TMBIM6: variants seen among roughly 807,000 people sequenced by gnomAD.
The protein encoded by TMBIM6 is bax inhibitor 1.
TMBIM6 carries 13 observed loss-of-function variants against 31.4 expected under a neutral mutation model. The ratio of observed to expected loss-of-function variants is 0.41; its 90% CI spans 0.27 to 0.66. The LOEUF is 0.66. Among genes scored for constraint, TMBIM6 ranks in the 30% least tolerant of loss-of-function variants. TMBIM6 has a pLI of 0.28. For synonymous variants in TMBIM6, 85 were observed against 101.7 expected, an observed-to-expected ratio of 0.84 and a Z score of 0.99; for missense variants, 275 against 289.5, an observed-to-expected ratio of 0.95 and a Z score of 0.36.
intron 1 of TMBIM6, 147 bp from the exon 2 acceptor site, chr12:49,752,317 A>G (rs1305743373): frequency 1.9e-6 from 1 of 514,968 alleles, no homozygotes; most frequent in Non-Finnish European, 3.4e-6. Flanking sequence ...TGTAGGACAC[A>G]TAAAAATAAA....
chr12:49,760,192 G>A (rs1209157417), intron 8 of TMBIM6, among the ~76,000 whole-genome samples: 1 of 151,372 alleles, frequency 6.6e-6, no homozygotes, highest in South Asian at 2.1e-4. Flanking sequence ...AGAAGTGAGG[G>A]AAAGAGATCT....
Position 49,763,026 on chromosome 12 carries a change from C to T in TMBIM6, c.*130C>T. Reference sequence around the variant, plus strand: ...GAAAAGCTTTTGTACTTTGTGGTTTCCTCTATTTTGAATTTTTTGATCAAA... The same window carrying T: ...GAAAAGCTTTTGTACTTTGTGGTTTTCTCTATTTTGAATTTTTTGATCAAA... On this transcript the variant is annotated 3_prime_UTR_variant, in exon 10 of 10. Transcript: ENST00000267115. 2.8e-6 allele frequency: 3 copies of T among 1,085,430 alleles called. No individual in the cohort carries two copies. Among genetic ancestry groups the T allele is most frequent in the Non-Finnish European group, 2.6e-6 (2 of 759,364 alleles). The allele number at this position is 1,085,430 out of a possible 1,614,324, so 67.2% of individuals were successfully genotyped here.
At chr12:49,760,471 G>C (rs1017794711) in intron 8 of TMBIM6, among the ~76,000 whole-genome samples, 1 of 150,560 alleles carries the variant, frequency 6.6e-6, no homozygotes, top group African/African-American at 2.4e-5. Context: ...GTCTCAAGCA[G>C]TCCTCTTGCC....
chr12:49,762,481 G>T (rs946329748), intron 9 of TMBIM6, among the ~76,000 whole-genome samples: 7 of 152,218 alleles, frequency 4.6e-5, no homozygotes, highest in African/African-American at 1.7e-4. Flanking sequence ...ACTTTGCAGG[G>T]TGGAGCACTT....
At chr12:49,749,573 C>G (rs1252715350) in intron 1 of TMBIM6, 2 of 152,116 alleles carry the variant, frequency 1.3e-5, no homozygotes, top group Admixed American at 6.6e-5. Context: ...GCTGGGACTA[C>G]AGGGGCGTGC....
chr12:49,753,830 T>C (rs938643487), intron 3 of TMBIM6, among the ~76,000 whole-genome samples: 4 of 152,142 alleles, frequency 2.6e-5, no homozygotes, highest in Admixed American at 2.6e-4. Context: ...AATAATTTAG[T>C]AAAATACAGT....
intron 3 of TMBIM6, 32 bp downstream of exon 3, chr12:49,753,113 G>A (rs1565919998): frequency 5.7e-6 from 9 of 1,588,826 alleles, no homozygotes; most frequent in East Asian, 4.5e-5. Context: ...GGTTGCTGTG[G>A]TACAAATTAC....
At chr12:49,742,977 C>T (rs1945324616) in intron 1 of TMBIM6, among the ~76,000 whole-genome samples, 1 of 133,604 alleles carries the variant, frequency 7.5e-6, no homozygotes, top group Non-Finnish European at 1.5e-5. Flanking sequence ...TTAGTACCTT[C>T]CTCCTCTTTT....
intron 1 of TMBIM6, among the ~76,000 whole-genome samples, 164 bp from the exon 2 acceptor site, chr12:49,752,300 A>G (rs191588584): frequency 6.6e-6 from 1 of 152,270 alleles, no homozygotes; most frequent in Admixed American, 6.5e-5. Context: ...TATGATTGCA[A>G]ATATATTGTA....
In TMBIM6 at chr12:49,764,273, C is replaced by T. The variant is rs972403947; in HGVS notation, c.*1377C>T. The T allele has an allele frequency of 2.0e-5, 3 of 152,144 alleles. No homozygotes were observed. Among genetic ancestry groups the T allele is most frequent in the African/African-American group, 7.2e-5 (3 of 41,424 alleles). The allele number at this position is 152,144 out of a possible 1,614,324, so 9.4% of individuals were successfully genotyped here. A position where few individuals can be genotyped will look rare whatever the true frequency, so the allele number is the denominator to read the frequency against. Reference sequence around the variant, plus strand: ...TGTGGCTCTGAGCTGCTCTACAGAGCTTCAGTGTGAGAGGATCGAGCCATT... The same window carrying T: ...TGTGGCTCTGAGCTGCTCTACAGAGTTTCAGTGTGAGAGGATCGAGCCATT... On this transcript the variant is annotated 3_prime_UTR_variant, in exon 10 of 10. Coordinates refer to ENST00000267115, the MANE Select transcript of TMBIM6 (RefSeq NM_003217.3).
At chr12:49,746,881 G>A (rs1945405378) in intron 1 of TMBIM6, among the ~76,000 whole-genome samples, 1 of 145,598 alleles carries the variant, frequency 6.9e-6, no homozygotes, top group Admixed American at 6.6e-5. Context: ...TGTCACCCAG[G>A]CTGGAGTGCA....
chr12:49,742,329 C>G, intron 1 of TMBIM6: 3 of 1,521,780 alleles, frequency 2.0e-6, no homozygotes, highest in Non-Finnish European at 2.6e-6. Context: ...GGGCGTCTTT[C>G]TAAGTCTGCT....
chr12:49,744,583 G>C (rs2136925781), intron 1 of TMBIM6: 1 of 152,296 alleles, frequency 6.6e-6, no homozygotes, highest in South Asian at 2.1e-4. Context: ...GTTGATTTGA[G>C]GTTACAGCAC....
intron 1 of TMBIM6, among the ~76,000 whole-genome samples, chr12:49,751,638 T>A (rs1430422679): frequency 6.6e-6 from 1 of 152,170 alleles, no homozygotes; most frequent in Non-Finnish European, 1.5e-5. Context: ...TAAGAAAATT[T>A]GATACGCATA....
At chr12:49,756,114 T>C (rs1945587385) in intron 4 of TMBIM6, among the ~76,000 whole-genome samples, 1 of 151,882 alleles carries the variant, frequency 6.6e-6, no homozygotes, top group Non-Finnish European at 1.5e-5. Flanking sequence ...ATTACAGGCA[T>C]GAGCCACCGT....
chr12:49,757,406 CTTCTG>C (rs1945624700), intron 4 of TMBIM6, among the ~76,000 whole-genome samples: 2 of 152,292 alleles, frequency 1.3e-5, no homozygotes, highest in South Asian at 4.1e-4. Flanking sequence ...ATCATAGGAG[CTTCTG>C]TTCTGAGTCT....
chr12:49,758,049 A>G (rs1208850627), intron 4 of TMBIM6, among the ~76,000 whole-genome samples, 178 bp from the exon 5 acceptor site: 1 of 152,046 alleles, frequency 6.6e-6, no homozygotes, highest in Non-Finnish European at 1.5e-5. Flanking sequence ...AAAAAAAAAC[A>G]ACGCAGTCAG....
chr12:49,759,677 C>T (rs1945674984), intron 8 of TMBIM6, among the ~76,000 whole-genome samples: 1 of 151,686 alleles, frequency 6.6e-6, no homozygotes, highest in African/African-American at 2.4e-5. Flanking sequence ...CATGGTGGCA[C>T]ATGTATATAA....
At chr12:49,752,385 T>G in intron 1 of TMBIM6, 79 bp from the exon 2 acceptor site, 4 of 1,060,602 alleles carry the variant, frequency 3.8e-6, no homozygotes, top group African/African-American at 1.7e-5. Flanking sequence ...TGAACTTACA[T>G]GTTGCTTTTT....
Sources: gnomAD v4.1 joint callset for allele counts (sites outside exome capture counted in the v4.1 genomes callset) on GRCh38, gnomAD v4.1.1 for gene constraint, MANE v1.5 for transcripts, NCBI Gene and HGNC (gene_info 2026-07-23, HGNC 2026-07-21) for gene names.